The following MPP7 variants were observed in gnomAD, a reference collection of about 807,000 sequenced individuals.
MPP7 encodes MAGUK p55 subfamily member 7.
A neutral mutation model predicts 76.5 loss-of-function variants in MPP7; 60 were observed. That is an observed-to-expected ratio of 0.78 (90% confidence interval 0.64 to 0.97). The LOEUF (loss-of-function observed/expected upper bound fraction) is 0.97. MPP7 is among the 50% of genes least tolerant of loss of function. The pLI is 0.00. For synonymous variants in MPP7, 237 were observed against 244.5 expected (o/e 0.97, Z 0.29); for missense variants, 641 against 694.0 (o/e 0.92, Z 0.86).
At chr10:28,149,317 T>C (rs1835804955) in intron 4 of MPP7, among the ~76,000 whole-genome samples, 1 of 152,204 alleles carries the variant, frequency 6.6e-6, no homozygotes. Context: ...TCCTTTATAG[T>C]TTATCCAGGT....
chr10:28,185,147 A>ATT (rs1022741280), intron 3 of MPP7, among the ~76,000 whole-genome samples: 20 of 148,378 alleles, frequency 1.3e-4, no homozygotes, highest in African/African-American at 4.4e-4. Flanking sequence ...TATATTATAT[A>ATT]TTTTTTAATA....
intron 2 of MPP7, among the ~76,000 whole-genome samples, chr10:28,317,339 G>A (rs1200999314): frequency 6.6e-6 from 1 of 152,056 alleles, no homozygotes; most frequent in Non-Finnish European, 1.5e-5. Context: ...ACCAACCTGG[G>A]CAACATAGGG....
At chr10:28,239,437 G>A (rs1051912687) in intron 1 of MPP7, among the ~76,000 whole-genome samples, 14 of 152,064 alleles carry the variant, frequency 9.2e-5, no homozygotes, top group Admixed American at 3.3e-4. Flanking sequence ...GTGAGTAACC[G>A]GACCCAGCCT....
At chr10:28,100,122 A>T (rs1853757463) in intron 11 of MPP7, among the ~76,000 whole-genome samples, 3 of 68,144 alleles carry the variant, frequency 4.4e-5, no homozygotes, top group Non-Finnish European at 2.2e-5. Context: ...TAAGAAGATT[A>T]AAAAAAAAAA....
chr10:28,131,599 T>C lies in MPP7; in HGVS notation c.408A>G (p.Ser136=). 1 of 1,605,962 alleles carries C rather than the reference T, an allele frequency of 6.2e-7. No individual in the cohort carries two copies. The highest frequency in any genetic ancestry group is 8.5e-7 in the Non-Finnish European group (1 of 1,175,398). ...MPEDIDDEED[S]VKIIRLVKNR... The stretch of plus-strand genomic sequence containing the variant: ...TTTTGACCAGACGGATTATTTTTAC[T>C]GAGTCTTCCTCATCGTCAATATCTT... Residue 136 remains serine, a synonymous_variant, in exon 6 of 17, where the codon TCA becomes TCG. Transcript: ENST00000683449.
intron 3 of MPP7, among the ~76,000 whole-genome samples, chr10:28,164,955 A>T (rs1034341818): frequency 6.6e-6 from 1 of 152,244 alleles, no homozygotes; most frequent in Non-Finnish European, 1.5e-5. Context: ...CCCTAAACCT[A>T]AATCAAAACA....
intron 15 of MPP7, chr10:28,057,952 G>A: frequency 1.0e-6 from 1 of 1,004,298 alleles, no homozygotes; most frequent in Non-Finnish European, 1.3e-6. Flanking sequence ...AGTTCAGAAT[G>A]TTCATAATGG....
chr10:28,067,279 T>A (rs1013291198), intron 13 of MPP7, among the ~76,000 whole-genome samples: 3 of 152,206 alleles, frequency 2.0e-5, no homozygotes, highest in Non-Finnish European at 4.4e-5. Flanking sequence ...AGCAAAGCAA[T>A]CATTTTTCTC....
intron 11 of MPP7, among the ~76,000 whole-genome samples, chr10:28,100,675 GA>G (rs1853781116): frequency 2.6e-5 from 4 of 152,038 alleles, no homozygotes; most frequent in African/African-American, 7.2e-5. Flanking sequence ...AAAATGTAAA[GA>G]AATGTTCACA....
chr10:28,191,480 T>C (rs1422805964), intron 3 of MPP7, among the ~76,000 whole-genome samples: 1 of 152,184 alleles, frequency 6.6e-6, no homozygotes. Flanking sequence ...AAATCCAAAA[T>C]GCTCTGAAAT....
At chr10:28,216,294 C>T (rs7091235) in intron 2 of MPP7, among the ~76,000 whole-genome samples, 147,157 of 152,222 alleles carry the variant, frequency 0.97, 71,329 homozygotes, top group Non-Finnish European at 1. Flanking sequence ...CCAGGCTGGG[C>T]GACACAGTGA....
In MPP7 at chr10:28,151,348, A is replaced by G. The variant is rs188911737; in HGVS notation, c.157-1289T>C. Among the ~76,000 whole-genome samples, 535 of 152,338 alleles carry G rather than the reference A, an allele frequency of 3.5e-3. 4 individuals are homozygous for G. Among genetic ancestry groups the G allele is most frequent in the African/African-American group, 0.012 (517 of 41,580 alleles). On this transcript the variant is annotated intron_variant, in intron 3 of 16. Transcript: ENST00000683449. ...AAACTTTAAAGACTGTAAGCTATAA[A>G]AAGAGTTAGATTTGATTTGAGAAAC... is the stretch of plus-strand genomic sequence containing the variant.
intron 11 of MPP7, among the ~76,000 whole-genome samples, chr10:28,108,310 T>C (rs1172121365): frequency 3.3e-5 from 5 of 152,180 alleles, no homozygotes; most frequent in African/African-American, 4.8e-5. Context: ...GATATTATCA[T>C]CATACATAAT....
chr10:28,241,105 T>C (rs1358379549), intron 1 of MPP7, among the ~76,000 whole-genome samples: 2 of 152,280 alleles, frequency 1.3e-5, no homozygotes, highest in Middle Eastern at 6.8e-3. Flanking sequence ...TTCATGCTTG[T>C]AAACCATACA....
chr10:28,159,272 G>T (rs1192520788), intron 3 of MPP7, among the ~76,000 whole-genome samples: 1 of 151,942 alleles, frequency 6.6e-6, no homozygotes, highest in Non-Finnish European at 1.5e-5. Context: ...CAACTTTTTT[G>T]GTCTCAGAAC....
intron 14 of MPP7, 183 bp downstream of exon 14, chr10:28,059,467 T>C (rs1266951077): frequency 2.0e-6 from 1 of 502,280 alleles, no homozygotes; most frequent in Non-Finnish European, 3.5e-6. Flanking sequence ...TCCAGGTTAC[T>C]AAAAAATTAG....
chr10:28,325,588 G>A (rs762138189), intron 2 of MPP7, among the ~76,000 whole-genome samples: 41 of 151,970 alleles, frequency 2.7e-4, no homozygotes, highest in Admixed American at 1.6e-3. Context: ...CTGTCTCCCC[G>A]GTCCAAGGGA....
chr10:28,184,785 TTA>T (rs1837174633), intron 3 of MPP7, among the ~76,000 whole-genome samples: 1 of 147,518 alleles, frequency 6.8e-6, no homozygotes, highest in Admixed American at 6.8e-5. Context: ...TATATAGATA[TTA>T]TCTTAATATA....
chr10:28,252,918 G>T (rs1393591127), intron 1 of MPP7, among the ~76,000 whole-genome samples: 18 of 146,676 alleles, frequency 1.2e-4, no homozygotes, highest in African/African-American at 3.8e-4. Context: ...CTTTTTTTTT[G>T]GGAGGGGGGG....
Sources: allele counts gnomAD v4.1 joint callset (sites outside exome capture counted in the v4.1 genomes callset), GRCh38; gene constraint gnomAD v4.1.1; transcripts MANE v1.5; gene names NCBI Gene and HGNC (gene_info 2026-07-23, HGNC 2026-07-21).